DIAPH3: variants seen among roughly 807,000 people sequenced by gnomAD.
DIAPH3 encodes the protein diaphanous related formin 3.
DIAPH3 carries 117 observed loss-of-function variants against 144.3 expected under a neutral mutation model. That is an observed-to-expected ratio of 0.81 (90% CI 0.70 to 0.95). DIAPH3 has a LOEUF of 0.95. DIAPH3 is among the 40% of genes least tolerant of loss of function. DIAPH3 has a pLI of 0.00. For missense variants in DIAPH3, 1,421 were observed against 1,412.7 expected (o/e 1.01, Z -0.09); for synonymous variants, 519 against 488.9 (o/e 1.06, Z -0.81).
intron 1 of DIAPH3, among the ~76,000 whole-genome samples, chr13:60,137,755 T>C (rs906535394): frequency 3.3e-5 from 5 of 151,210 alleles, no homozygotes; most frequent in African/African-American, 1.2e-4. Flanking sequence ...TTTTTTTTTT[T>C]TTTTTTTAGA....
At chr13:60,153,517 C>T (rs1351343383) in intron 1 of DIAPH3, 1 of 152,102 alleles carries the variant, frequency 6.6e-6, no homozygotes, top group African/African-American at 2.4e-5. Context: ...TCAGTCTACA[C>T]ATATCTTCCT....
At chr13:60,119,010 A>C (rs1469745063) in intron 2 of DIAPH3, among the ~76,000 whole-genome samples, 1 of 152,072 alleles carries the variant, frequency 6.6e-6, no homozygotes, top group Admixed American at 6.5e-5. Context: ...TTCCAACTAA[A>C]ATGTAAGTGC....
At chr13:60,093,822 G>A in intron 3 of DIAPH3, 90 bp from the exon 4 acceptor site, 3 of 835,174 alleles carry the variant, frequency 3.6e-6, no homozygotes, top group East Asian at 2.5e-5. Flanking sequence ...AATAATTTGT[G>A]ACTAAAGCAG....
intron 25 of DIAPH3, among the ~76,000 whole-genome samples, chr13:59,781,395 C>T (rs1231209529): frequency 1.3e-5 from 2 of 152,070 alleles, no homozygotes; most frequent in Non-Finnish European, 2.9e-5. Context: ...AAAGAGACTG[C>T]AAGATGTGCT....
intron 27 of DIAPH3, among the ~76,000 whole-genome samples, chr13:59,748,402 A>T (rs530537631): frequency 1.3e-5 from 2 of 152,350 alleles, no homozygotes; most frequent in East Asian, 3.9e-4. Context: ...CTGCCAAGAA[A>T]AAAATGGATG....
chr13:60,060,382 T>C (rs973961530), intron 4 of DIAPH3, among the ~76,000 whole-genome samples: 13 of 152,074 alleles, frequency 8.5e-5, no homozygotes, highest in Non-Finnish European at 1.6e-4. Context: ...TGGAAGAAGC[T>C]GCAAAATTGA....
At chr13:59,710,380 A>T (rs1244185856) in intron 27 of DIAPH3, among the ~76,000 whole-genome samples, 1 of 152,120 alleles carries the variant, frequency 6.6e-6, no homozygotes, top group Non-Finnish European at 1.5e-5. Flanking sequence ...TTTCAAATGT[A>T]CTCTCTACAT....
At chr13:59,683,105 G>A (rs1299342990) in intron 27 of DIAPH3, among the ~76,000 whole-genome samples, 2 of 152,168 alleles carry the variant, frequency 1.3e-5, no homozygotes, top group Admixed American at 1.3e-4. Context: ...TTATGTTTCA[G>A]GGATATGGCA....
intron 7 of DIAPH3, 65 bp downstream of exon 7, chr13:60,015,848 C>G: frequency 7.3e-7 from 1 of 1,377,110 alleles, no homozygotes; most frequent in South Asian, 1.2e-5. Context: ...CATCACTTTA[C>G]TGCAACTGAA....
rs1265806099 is a variant in DIAPH3, at chr13:59,911,771, A to G, written c.2331T>C (p.Tyr777=). 2 of 1,613,560 alleles carry G rather than the reference A, an allele frequency of 1.2e-6. No individual in the cohort carries two copies. The highest frequency in any genetic ancestry group is 1.7e-6 in the Non-Finnish European group (2 of 1,179,716). The part of the protein sequence containing the change: ...LNSLSQFKSE[Y]SNLCEPEQFV... ...ACTGCTCAGGTTCACATAAGTTGCT[A>G]TATTCACTCTTGAACTGAGACAATG... Residue 777 remains tyrosine, a synonymous_variant, in exon 20 of 28, where the codon TAT becomes TAC. Transcript: ENST00000400324.
chr13:60,086,424 T>G lies in DIAPH3; in HGVS notation c.495+7204A>C, dbSNP rs150895554. ...CTCTTAACAAGAAATCGGTTCATTG[T>G]GCTGAGGCTCTGAAATTTTCTGCTA... On this transcript the variant is annotated intron_variant, in intron 4 of 27. Transcript: ENST00000400324. Among the ~76,000 whole-genome samples the G allele has an allele frequency of 3.5e-3, 540 of 152,268 alleles. 4 individuals carry two copies. The highest frequency in any genetic ancestry group is 0.013 in the African/African-American group (524 of 41,562).
intron 4 of DIAPH3, among the ~76,000 whole-genome samples, chr13:60,064,566 A>G (rs1260473629): frequency 1.3e-5 from 2 of 152,176 alleles, no homozygotes; most frequent in African/African-American, 4.8e-5. Context: ...AAAACTGAAG[A>G]GAGTTAGGGC....
chr13:59,885,448 TAAAAAAAAA>T (rs67977635), intron 20 of DIAPH3, among the ~76,000 whole-genome samples: 1 of 93,082 alleles, frequency 1.1e-5, no homozygotes, highest in Non-Finnish European at 2.0e-5. Flanking sequence ...CTTCTTTCAC[TAAAAAAAAA>T]AAAAAAAAAA....
chr13:60,097,062 A>C (rs1011797607), intron 3 of DIAPH3, among the ~76,000 whole-genome samples: 3 of 152,196 alleles, frequency 2.0e-5, no homozygotes, highest in Non-Finnish European at 2.9e-5. Flanking sequence ...TCTGGAATTA[A>C]GGGAGAAACC....
intron 9 of DIAPH3, among the ~76,000 whole-genome samples, chr13:59,997,898 A>ATT (rs1434053300): frequency 4.2e-4 from 64 of 152,220 alleles, no homozygotes; most frequent in Non-Finnish European, 5.6e-4. Context: ...CCAGATTGAA[A>ATT]ACAAGAACCA....
At chr13:60,046,700 T>A (rs990555038) in intron 4 of DIAPH3, among the ~76,000 whole-genome samples, 1 of 152,082 alleles carries the variant, frequency 6.6e-6, no homozygotes, top group Non-Finnish European at 1.5e-5. Context: ...CTGTTCACAA[T>A]AGCAAAGACT....
At chr13:59,718,310 T>A (rs974977947) in intron 27 of DIAPH3, among the ~76,000 whole-genome samples, 1 of 152,218 alleles carries the variant, frequency 6.6e-6, no homozygotes, top group African/African-American at 2.4e-5. Context: ...AAAGTTCTTG[T>A]CATTACAAAG....
At chr13:60,067,249 C>T (rs960443584) in intron 4 of DIAPH3, among the ~76,000 whole-genome samples, 1 of 151,766 alleles carries the variant, frequency 6.6e-6, no homozygotes, top group African/African-American at 2.4e-5. Context: ...CACGCCACTG[C>T]ACTCCAGCCT....
chr13:59,738,950 C>T (rs1784335092), intron 27 of DIAPH3, among the ~76,000 whole-genome samples: 1 of 152,136 alleles, frequency 6.6e-6, no homozygotes, highest in Non-Finnish European at 1.5e-5. Context: ...CTTTTGGAAG[C>T]TTTGCTTCCT....
Sources: gnomAD v4.1 joint callset for allele counts (sites outside exome capture counted in the v4.1 genomes callset) on GRCh38, gnomAD v4.1.1 for gene constraint, MANE v1.5 for transcripts, NCBI Gene and HGNC (gene_info 2026-07-23, HGNC 2026-07-21) for gene names.